The following CELF2 variants were observed in gnomAD, a reference collection of about 807,000 sequenced individuals.
CELF2 encodes CUGBP Elav-like family member 2.
In CELF2, 8 loss-of-function variants were observed where a neutral mutation model predicts 62.6. The observed-to-expected ratio is 0.13, with a 90% confidence interval of 0.07 to 0.23. The LOEUF (loss-of-function observed/expected upper bound fraction) is 0.23. CELF2 is among the 10% of genes least tolerant of loss of function. The pLI, the probability that CELF2 is intolerant of heterozygous loss-of-function variation, is 1.00. For synonymous variants in CELF2, 258 were observed against 250.0 expected, an observed-to-expected ratio of 1.03 and a Z score of -0.30; for missense variants, 333 against 671.0, an observed-to-expected ratio of 0.50 and a Z score of 5.56.
chr10:10,508,708 A>ATATT, the CELF2 span, among the ~76,000 whole-genome samples: 1 of 134,420 alleles, frequency 7.4e-6, no homozygotes, highest in African/African-American at 3.1e-5. Context: ...GTGTGTGTAT[A>ATATT]TTTTTTTTTT....
intron 1 of CELF2, among the ~76,000 whole-genome samples, chr10:10,908,076 C>T (rs1307121208): frequency 1.3e-5 from 2 of 152,120 alleles, no homozygotes; most frequent in African/African-American, 2.4e-5. Context: ...ACTGATGCCG[C>T]CCGGCCTGCC....
chr10:11,199,247 C>G (rs1279873089), intron 2 of CELF2, among the ~76,000 whole-genome samples: 2 of 152,166 alleles, frequency 1.3e-5, no homozygotes, highest in Non-Finnish European at 2.9e-5. Flanking sequence ...GATGCATCAC[C>G]TTGTTTCTGC....
chr10:10,779,262 G>A, the CELF2 span, among the ~76,000 whole-genome samples: 14 of 152,302 alleles, frequency 9.2e-5, no homozygotes, highest in Admixed American at 2.0e-4. Context: ...CTTCAAGCTA[G>A]CTTTGCCCTA....
the CELF2 span, among the ~76,000 whole-genome samples, chr10:10,510,875 G>A: frequency 6.6e-6 from 1 of 152,158 alleles, no homozygotes; most frequent in Non-Finnish European, 1.5e-5. Flanking sequence ...TAGATAGGGG[G>A]CATAGCAAAT....
chr10:10,636,826 T>C, the CELF2 span, among the ~76,000 whole-genome samples: 656 of 152,254 alleles, frequency 4.3e-3, 5 homozygotes, highest in African/African-American at 0.015. Context: ...TTCACCAAGT[T>C]CTGAAAACCT....
chr10:10,739,775 CA>C, the CELF2 span, among the ~76,000 whole-genome samples: 4 of 152,092 alleles, frequency 2.6e-5, no homozygotes, highest in Admixed American at 1.3e-4. Context: ...CAGTTTCAAT[CA>C]CAGCCACCCT....
the CELF2 span, among the ~76,000 whole-genome samples, chr10:10,527,225 T>C: frequency 6.6e-6 from 1 of 152,210 alleles, no homozygotes; most frequent in South Asian, 2.1e-4. Context: ...GTGGATAACT[T>C]GAGGCCAGGA....
At chr10:10,806,494 G>A (rs1200893837) in intron 1 of CELF2, among the ~76,000 whole-genome samples, 1 of 152,140 alleles carries the variant, frequency 6.6e-6, no homozygotes, top group Non-Finnish European at 1.5e-5. Flanking sequence ...ATGAGCCACT[G>A]CACCCAGCCT....
the CELF2 span, among the ~76,000 whole-genome samples, chr10:10,737,669 C>G: frequency 6.6e-6 from 1 of 151,964 alleles, no homozygotes; most frequent in African/African-American, 2.4e-5. Context: ...CTTGTCTCTT[C>G]CTCTTCTGTT....
intron 2 of CELF2, among the ~76,000 whole-genome samples, chr10:10,973,066 G>A (rs1383201317): frequency 6.6e-6 from 1 of 152,072 alleles, no homozygotes; most frequent in African/African-American, 2.4e-5. Context: ...GAGGCGGGTG[G>A]GTCACTCACG....
chr10:10,695,496 C>G, the CELF2 span, among the ~76,000 whole-genome samples: 1 of 150,772 alleles, frequency 6.6e-6, no homozygotes, highest in African/African-American at 2.4e-5. Flanking sequence ...TGGAGTTGCT[C>G]TTCTCGAGGA....
rs749440297 is a variant in CELF2 at position 11,318,967 on chromosome 10, A to T, written c.1097-2222A>T. On this transcript the variant is annotated intron_variant, in intron 10 of 12. Coordinates refer to ENST00000633077, the MANE Select transcript of CELF2 (RefSeq NM_001326342.2). The surrounding 1 kb of genome is among the most constrained non-coding windows in gnomAD (Gnocchi z 5.4). ...GTGGTGCGATGCTGCCCACCCCTCCATGGGAACTTGGAGGCGTCCACTGGA... is the reference window on the plus strand; with the variant it reads ...GTGGTGCGATGCTGCCCACCCCTCCTTGGGAACTTGGAGGCGTCCACTGGA... 1 of 471,102 alleles carries T rather than the reference A, an allele frequency of 2.1e-6. No individual in the cohort carries two copies. Among genetic ancestry groups the T allele is most frequent in the Admixed American group, 2.3e-5 (1 of 42,592 alleles). 29.2% of individuals were successfully genotyped at this position (471,102 alleles called of 1,614,324 possible). A position where few individuals can be genotyped will look rare whatever the true frequency, so the allele number is the denominator to read the frequency against.
intron 1 of CELF2, among the ~76,000 whole-genome samples, chr10:10,834,804 G>A (rs2058143222): frequency 6.6e-6 from 1 of 152,316 alleles, no homozygotes; most frequent in Non-Finnish European, 1.5e-5. Flanking sequence ...ACGAGAGGAA[G>A]CCAGACACAC....
chr10:10,465,136 T>C, the CELF2 span, among the ~76,000 whole-genome samples: 4 of 152,146 alleles, frequency 2.6e-5, no homozygotes, highest in South Asian at 8.3e-4. Flanking sequence ...AGAATAAACA[T>C]TAAAGGCAAC....
the CELF2 span, among the ~76,000 whole-genome samples, chr10:10,688,179 T>A: frequency 6.6e-5 from 10 of 152,242 alleles, no homozygotes; most frequent in Admixed American, 1.3e-4. Flanking sequence ...TGACAGCCGA[T>A]GGACTAAGTT....
chr10:11,007,218 A>C (rs2055436843), intron 1 of CELF2, among the ~76,000 whole-genome samples: 1 of 152,208 alleles, frequency 6.6e-6, no homozygotes, highest in African/African-American at 2.4e-5. Context: ...GTAATTTTTC[A>C]AACTTTAGTT....
intron 1 of CELF2, among the ~76,000 whole-genome samples, chr10:10,816,311 A>C (rs1215913462): frequency 6.6e-6 from 1 of 152,238 alleles, no homozygotes; most frequent in African/African-American, 2.4e-5. Context: ...TCAAAGGCAC[A>C]TTCAGGTAAT....
chr10:11,049,037 G>A (rs2063381091), intron 1 of CELF2, among the ~76,000 whole-genome samples: 2 of 151,486 alleles, frequency 1.3e-5, no homozygotes, highest in South Asian at 4.2e-4. Context: ...GATCTTGGGT[G>A]TAACCTATTA....
intron 2 of CELF2, among the ~76,000 whole-genome samples, chr10:11,185,397 G>T (rs992385356): frequency 1.3e-5 from 2 of 152,086 alleles, no homozygotes; most frequent in African/African-American, 4.8e-5. Context: ...GTCTTACTTG[G>T]TCATGATGAT....
Sources: allele counts gnomAD v4.1 joint callset (sites outside exome capture counted in the v4.1 genomes callset), GRCh38; gene constraint gnomAD v4.1.1; non-coding constraint Gnocchi (gnomAD v3.1); transcripts MANE v1.5; gene names NCBI Gene and HGNC (gene_info 2026-07-23, HGNC 2026-07-21).